WARS2: variants seen among roughly 807,000 people sequenced by gnomAD.
The protein encoded by WARS2 is tryptophan--tRNA ligase, mitochondrial.
A neutral mutation model predicts 36.5 loss-of-function variants in WARS2; 28 were observed. The observed-to-expected ratio is 0.77, with a 90% CI of 0.57 to 1.05. WARS2 has a LOEUF of 1.05. WARS2 is among the 50% of genes least tolerant of loss of function. The pLI is 0.00. For synonymous variants in WARS2, 174 were observed against 178.4 expected (o/e 0.98, Z 0.20); for missense variants, 435 against 456.8 (o/e 0.95, Z 0.44).
intron 2 of WARS2, among the ~76,000 whole-genome samples, chr1:119,070,246 T>C (rs1307367134): frequency 2.0e-5 from 3 of 152,122 alleles, no homozygotes; most frequent in African/African-American, 7.2e-5. Flanking sequence ...ATGAAATAGC[T>C]TGGTAAACCT....
intron 1 of WARS2, chr1:119,085,799 G>A: frequency 6.2e-7 from 1 of 1,607,858 alleles, no homozygotes; most frequent in Non-Finnish European, 8.5e-7. Context: ...ACACACAGAT[G>A]ATGTCCCCTT....
chr1:119,089,208 G>T (rs1297618862), intron 1 of WARS2, among the ~76,000 whole-genome samples: 1 of 152,074 alleles, frequency 6.6e-6, no homozygotes, highest in Non-Finnish European at 1.5e-5. Context: ...GAATTTTTTT[G>T]ACTGTTATTT....
At chr1:119,037,787 C>A (rs752452063) in intron 4 of WARS2, among the ~76,000 whole-genome samples, 1 of 152,148 alleles carries the variant, frequency 6.6e-6, no homozygotes, top group Non-Finnish European at 1.5e-5. Context: ...TCGGGTCATC[C>A]CTGACACCTC....
At chr1:119,050,613 T>C (rs1236459190) in intron 2 of WARS2, among the ~76,000 whole-genome samples, 1 of 152,090 alleles carries the variant, frequency 6.6e-6, no homozygotes, top group Non-Finnish European at 1.5e-5. Context: ...ATGTATATAG[T>C]TGCATACTGT....
rs1647606364 is a variant in WARS2, at chr1:119,033,360, C to T, written c.635-1G>A. On this transcript the variant is annotated splice_acceptor_variant, in intron 5 of 5. Transcript: ENST00000235521. LOFTEE classifies it high-confidence loss of function. ...AGGGATTTTACCTTCTTCATGGATG[C>T]TAGGTTAAAAACACCAACACACACA... is the stretch of plus-strand genomic sequence containing the variant. 3.1e-6 allele frequency: 5 copies of T among 1,613,914 alleles called. No individual in the cohort carries two copies. Among genetic ancestry groups the T allele is most frequent in the South Asian group, 1.1e-5 (1 of 91,084 alleles).
chr1:119,040,825 C>A (rs1189563800), intron 4 of WARS2, among the ~76,000 whole-genome samples: 1 of 152,206 alleles, frequency 6.6e-6, no homozygotes, highest in South Asian at 2.1e-4. Flanking sequence ...AGAACCTTTA[C>A]AAGCAAATAT....
intron 1 of WARS2, among the ~76,000 whole-genome samples, chr1:119,110,440 A>C (rs1359216325): frequency 6.6e-6 from 1 of 151,992 alleles, no homozygotes; most frequent in Non-Finnish European, 1.5e-5. Context: ...CTTAACACTA[A>C]ATATTTCACT....
At position 119,131,465 on chromosome 1, in the gene WARS2, G is replaced by GTT. The variant is rs1196649477; in HGVS notation, c.90+9088_90+9089dup. ...GACTGTGCAAAGTTTTTTGTTTTTTGTTTTTTTTTTTTTTGAGACGTAGTC... is the reference window on the plus strand; with the variant it reads ...GACTGTGCAAAGTTTTTTGTTTTTTGTTTTTTTTTTTTTTTTGAGACGTAGTC... On this transcript the variant is annotated intron_variant, in intron 1 of 5. Transcript: ENST00000235521. Among the ~76,000 whole-genome samples the GTT allele has an allele frequency of 1.1e-4, 15 of 135,332 alleles. 1 individual carries two copies. The highest frequency in any genetic ancestry group is 6.1e-4 in the East Asian group (3 of 4,902). 88.8% of individuals were successfully genotyped at this position (135,332 alleles called of 152,430 possible).
chr1:119,118,983 A>G (rs1342258247), intron 1 of WARS2, among the ~76,000 whole-genome samples: 1 of 152,176 alleles, frequency 6.6e-6, no homozygotes, highest in Non-Finnish European at 1.5e-5. Context: ...AAGCATAAAC[A>G]TCACATGGCC....
At chr1:119,058,955 T>A (rs907580855) in intron 2 of WARS2, among the ~76,000 whole-genome samples, 9 of 151,956 alleles carry the variant, frequency 5.9e-5, no homozygotes, top group Non-Finnish European at 1.2e-4. Flanking sequence ...TTTCTCCACA[T>A]CCTCTCCAGG....
At chr1:119,049,924 C>T (rs1649195426) in intron 2 of WARS2, among the ~76,000 whole-genome samples, 1 of 152,242 alleles carries the variant, frequency 6.6e-6, no homozygotes, top group East Asian at 1.9e-4. Flanking sequence ...TCCACTCTAG[C>T]TCCCTACAGT....
chr1:119,111,599 T>A (rs1184710576), intron 1 of WARS2, among the ~76,000 whole-genome samples: 1 of 152,192 alleles, frequency 6.6e-6, no homozygotes, highest in South Asian at 2.1e-4. Flanking sequence ...GATTTTTCTC[T>A]AATATTTGTT....
intron 1 of WARS2, among the ~76,000 whole-genome samples, chr1:119,091,865 A>C (rs587662909): frequency 6.6e-6 from 1 of 152,330 alleles, no homozygotes; most frequent in Admixed American, 6.5e-5. Context: ...CGCTGTGCTG[A>C]GGACAGTAAA....
chr1:119,065,634 C>CAAA (rs55857499), intron 2 of WARS2, among the ~76,000 whole-genome samples: 1 of 91,428 alleles, frequency 1.1e-5, no homozygotes, highest in Non-Finnish European at 2.3e-5. Flanking sequence ...GACTCTGTCT[C>CAAA]AAAAAAAAAA....
chr1:119,084,518 G>T (rs1193659684), intron 1 of WARS2, among the ~76,000 whole-genome samples: 6 of 152,078 alleles, frequency 3.9e-5, no homozygotes, highest in Non-Finnish European at 5.9e-5. Flanking sequence ...AAACAAAAAA[G>T]TTGTAATGAA....
Position 119,076,336 on chromosome 1 carries a change from T to C in WARS2, c.348+14A>G, listed in dbSNP as rs766704669. The C allele has an allele frequency of 6.2e-7, 1 of 1,613,954 alleles. No homozygotes were observed. The highest frequency in any genetic ancestry group is 8.5e-7 in the Non-Finnish European group (1 of 1,179,880). ...CACATAAGAGTTTTCTCAGTTCTAA[T>C]CTGAGAAGCTGACCTGAGATTGTTG... is the stretch of plus-strand genomic sequence containing the variant. On this transcript the variant is annotated intron_variant, in intron 2 of 5. Coordinates refer to ENST00000235521, the MANE Select transcript of WARS2 (RefSeq NM_015836.4).
intron 1 of WARS2, among the ~76,000 whole-genome samples, chr1:119,090,150 A>G (rs1229232424): frequency 6.6e-6 from 1 of 152,188 alleles, no homozygotes; most frequent in Non-Finnish European, 1.5e-5. Context: ...AAGAATTATA[A>G]GCAACTAATG....
chr1:119,110,118 A>C (rs1284736684), intron 1 of WARS2, among the ~76,000 whole-genome samples: 1 of 151,952 alleles, frequency 6.6e-6, no homozygotes, highest in African/African-American at 2.4e-5. Context: ...TATGTAATCA[A>C]ATACATTGTT....
At chr1:119,062,243 T>G (rs941224813) in intron 2 of WARS2, among the ~76,000 whole-genome samples, 5 of 152,226 alleles carry the variant, frequency 3.3e-5, no homozygotes, top group Admixed American at 3.3e-4. Flanking sequence ...GACTCTTGTT[T>G]AGAGAAGCTA....
Sources: allele counts gnomAD v4.1 joint callset (sites outside exome capture counted in the v4.1 genomes callset), GRCh38; gene constraint gnomAD v4.1.1; transcripts MANE v1.5; gene names NCBI Gene and HGNC (gene_info 2026-07-23, HGNC 2026-07-21).